The following POC1B variants were observed in gnomAD, a reference collection of about 807,000 sequenced individuals.
The protein encoded by POC1B is POC1 centriolar protein homolog B.
A neutral mutation model predicts 60.6 loss-of-function variants in POC1B; 44 were observed. The ratio of observed to expected loss-of-function variants is 0.73; its 90% CI spans 0.57 to 0.93. The LOEUF (loss-of-function observed/expected upper bound fraction) is 0.93, where lower values mean the gene tolerates loss of function less well. Ranked by LOEUF, POC1B falls within the 40% of genes least tolerant of loss-of-function variation. POC1B has a pLI of 0.00. For synonymous variants in POC1B, 180 were observed against 198.9 expected (o/e 0.90, Z 0.80); for missense variants, 555 against 572.3 (o/e 0.97, Z 0.31).
intron 4 of POC1B, 23 bp from the exon 5 acceptor site, chr12:89,472,298 T>C: frequency 1.4e-6 from 2 of 1,412,712 alleles, no homozygotes; most frequent in Non-Finnish European, 2.0e-6. Context: ...AGAAAGAAGA[T>C]GTTTTATGTG....
chr12:89,443,475 A>C (rs1881622884), intron 10 of POC1B, among the ~76,000 whole-genome samples: 3 of 150,990 alleles, frequency 2.0e-5, no homozygotes, highest in South Asian at 2.1e-4. Flanking sequence ...AACTACATGG[A>C]AACTGAACAA....
At chr12:89,440,134 A>C (rs142668955) in intron 10 of POC1B, among the ~76,000 whole-genome samples, 2,946 of 152,300 alleles carry the variant, frequency 0.019, 85 homozygotes, top group African/African-American at 0.067. Context: ...AACGTGACTT[A>C]AGCTGAGTCA....
At chr12:89,525,339 C>T (rs1871360090) in intron 1 of POC1B, 135 bp from the exon 2 acceptor site, 1 of 1,439,898 alleles carries the variant, frequency 6.9e-7, no homozygotes, top group East Asian at 2.6e-5. Context: ...GGCGGCGGGG[C>T]CGGGCAGCAG....
chr12:89,525,418 C>G (rs1188482586), intron 1 of POC1B: 7 of 1,382,342 alleles, frequency 5.1e-6, no homozygotes, highest in Non-Finnish European at 5.6e-6. Flanking sequence ...CCGCAGAGCC[C>G]GCAAAACGCT....
intron 4 of POC1B, among the ~76,000 whole-genome samples, chr12:89,486,148 A>G (rs888101120): frequency 6.6e-6 from 1 of 152,192 alleles, no homozygotes; most frequent in African/African-American, 2.4e-5. Context: ...GCTCCACGAG[A>G]GTAGGAATTT....
chr12:89,413,711 T>G, the POC1B span, among the ~76,000 whole-genome samples: 1 of 152,296 alleles, frequency 6.6e-6, no homozygotes, highest in Admixed American at 6.5e-5. Flanking sequence ...AAGCTTTGTT[T>G]AAGATACCCT....
the POC1B span, among the ~76,000 whole-genome samples, chr12:89,402,979 C>T: frequency 2.3e-4 from 35 of 150,906 alleles, no homozygotes; most frequent in Non-Finnish European, 4.3e-4. Context: ...GGATTATAGG[C>T]GTGAGGCATC....
At chr12:89,501,129 A>G (rs1228308429) in intron 2 of POC1B, 1 of 1,364,350 alleles carries the variant, frequency 7.3e-7, no homozygotes, top group Non-Finnish European at 1.0e-6. Context: ...CACTCCTTCA[A>G]GATAGAAAGT....
intron 10 of POC1B, among the ~76,000 whole-genome samples, chr12:89,449,094 T>C (rs886928263): frequency 6.6e-6 from 1 of 152,200 alleles, no homozygotes; most frequent in Non-Finnish European, 1.5e-5. Context: ...AAAACCAGGA[T>C]TCAAAGTGGC....
At chr12:89,495,420 C>A (rs1869194001) in intron 3 of POC1B, among the ~76,000 whole-genome samples, 1 of 152,224 alleles carries the variant, frequency 6.6e-6, no homozygotes, top group African/African-American at 2.4e-5. Flanking sequence ...ATAGTTTTCA[C>A]TACCATTGGA....
At chr12:89,467,351 A>G (rs1308744010) in intron 8 of POC1B, among the ~76,000 whole-genome samples, 1 of 152,212 alleles carries the variant, frequency 6.6e-6, no homozygotes, top group Non-Finnish European at 1.5e-5. Context: ...AAAGTGCTAT[A>G]TAATTACTGA....
intron 10 of POC1B, among the ~76,000 whole-genome samples, chr12:89,452,306 C>A (rs75519493): frequency 6.6e-6 from 1 of 152,108 alleles, no homozygotes; most frequent in African/African-American, 2.4e-5. Flanking sequence ...ACCTGGAACA[C>A]CTCCAGTTCC....
chr12:89,440,696 C>G (rs1185271997), intron 10 of POC1B, among the ~76,000 whole-genome samples: 2 of 152,168 alleles, frequency 1.3e-5, no homozygotes, highest in African/African-American at 4.8e-5. Context: ...TCTACAGCTC[C>G]CAGCGTGAGC....
chr12:89,452,737 T>G (rs2120774799), intron 10 of POC1B, among the ~76,000 whole-genome samples: 1 of 152,278 alleles, frequency 6.6e-6, no homozygotes, highest in African/African-American at 2.4e-5. Context: ...TGTTAATCTT[T>G]TATTACGGTG....
intron 10 of POC1B, among the ~76,000 whole-genome samples, chr12:89,432,187 C>T (rs933178643): frequency 2.6e-5 from 4 of 151,710 alleles, no homozygotes; most frequent in African/African-American, 9.7e-5. Flanking sequence ...AGTTTGAGAC[C>T]AGCCTGGGCA....
chr12:89,467,641 A>C lies in POC1B; in HGVS notation c.855T>G (p.Phe285Leu), dbSNP rs762031738. Residue 285 changes from phenylalanine to leucine, a missense_variant, in exon 8 of 12, where the codon TTT becomes TTG. Coordinates refer to ENST00000313546, the MANE Select transcript of POC1B (RefSeq NM_172240.3). ...CCTGTGTGTCTGCACCTCCTGATGC[A>C]AATAGCTCTCCACCTTTTGAAAATG... is the stretch of plus-strand genomic sequence containing the variant. ...TVSFSKGGEL[F>L]ASGGADTQVL... The C allele has an allele frequency of 6.2e-7, 1 of 1,612,528 alleles. No homozygotes were observed. The highest frequency in any genetic ancestry group is 1.1e-5 in the South Asian group (1 of 90,916).
intron 10 of POC1B, among the ~76,000 whole-genome samples, chr12:89,446,825 T>C (rs946663249): frequency 9.2e-5 from 14 of 151,996 alleles, no homozygotes; most frequent in Admixed American, 2.0e-4. Flanking sequence ...TAGGTTGTTA[T>C]AGGGAAACAT....
chr12:89,522,455 ACAT>A, intron 2 of POC1B: 1 of 356,798 alleles, frequency 2.8e-6, no homozygotes, highest in Non-Finnish European at 5.0e-6. Flanking sequence ...GTGAACTTAC[ACAT>A]CAACATAAAT....
At chr12:89,444,634 C>A (rs1279239445) in intron 10 of POC1B, among the ~76,000 whole-genome samples, 1 of 152,128 alleles carries the variant, frequency 6.6e-6, no homozygotes, top group East Asian at 1.9e-4. Context: ...TTATGACAAA[C>A]CCACAGCCAA....
Sources: allele counts gnomAD v4.1 joint callset (sites outside exome capture counted in the v4.1 genomes callset), GRCh38; gene constraint gnomAD v4.1.1; transcripts MANE v1.5; gene names NCBI Gene and HGNC (gene_info 2026-07-23, HGNC 2026-07-21).